Variants in FYB1 observed in about 807,000 individuals in gnomAD.
FYB1 encodes the protein FYN-binding protein 1.
Under a neutral mutation model 94.1 loss-of-function variants are expected in FYB1, and 41 were observed. That is an observed-to-expected ratio of 0.44 (90% CI 0.34 to 0.57). FYB1 has a LOEUF of 0.57. Ranked by LOEUF, FYB1 falls within the 20% of genes least tolerant of loss-of-function variation. The pLI is 0.02. For synonymous variants in FYB1, 367 were observed against 353.2 expected, an observed-to-expected ratio of 1.04 and a Z score of -0.44; for missense variants, 1,050 against 976.8, an observed-to-expected ratio of 1.07 and a Z score of -1.00.
rs779744124 is a variant in FYB1, at chr5:39,108,272, T to TA, written c.2436-11dup. ...ATAGATCTCTCCATCACTGTAAATG[T>TA]AAAAAAAAATTTTTATTTTAAAGAA... On this transcript the variant is annotated splice_polypyrimidine_tract_variant and intron_variant, in intron 17 of 18. Coordinates refer to ENST00000512982, the MANE Select transcript of FYB1 (RefSeq NM_001465.6). 78 of 1,517,782 alleles carry TA rather than the reference T, an allele frequency of 5.1e-5. No homozygotes were observed. The highest frequency in any genetic ancestry group is 4.7e-4 in the Admixed American group (23 of 49,254). The allele number at this position is 1,517,782 out of a possible 1,614,324, so 94.0% of individuals were successfully genotyped here.
intron 3 of FYB1, among the ~76,000 whole-genome samples, chr5:39,149,781 C>T (rs1336393179): frequency 5.9e-5 from 9 of 152,062 alleles, no homozygotes; most frequent in South Asian, 2.1e-4. Flanking sequence ...TCCAAGACCC[C>T]GGCGTTATTG....
chr5:39,178,405 T>C (rs1745923705), intron 2 of FYB1, among the ~76,000 whole-genome samples: 1 of 152,176 alleles, frequency 6.6e-6, no homozygotes, highest in African/African-American at 2.4e-5. Flanking sequence ...AGCACTTTAG[T>C]GGGATGATGC....
intron 1 of FYB1, 69 bp downstream of exon 1, chr5:39,219,374 T>C (rs1244181878): frequency 6.5e-6 from 6 of 924,266 alleles, no homozygotes; most frequent in South Asian, 5.0e-5. Context: ...AATTTGGAAG[T>C]GGTGCTTTTT....
chr5:39,109,787 C>G (rs1738890498), intron 17 of FYB1, among the ~76,000 whole-genome samples: 1 of 152,108 alleles, frequency 6.6e-6, no homozygotes, highest in South Asian at 2.1e-4. Context: ...CACACTAGTA[C>G]CACACTGTGA....
chr5:39,129,014 C>T (rs1411380432), intron 10 of FYB1, among the ~76,000 whole-genome samples: 1 of 151,944 alleles, frequency 6.6e-6, no homozygotes, highest in East Asian at 1.9e-4. Flanking sequence ...GCATTAATAG[C>T]CAAAGCAATC....
At chr5:39,129,727 A>C (rs574897627) in intron 10 of FYB1, among the ~76,000 whole-genome samples, 1 of 152,040 alleles carries the variant, frequency 6.6e-6, no homozygotes, top group Non-Finnish European at 1.5e-5. Flanking sequence ...ATCACTAATC[A>C]TCTTACCCCA....
At chr5:39,173,179 G>C (rs1447999049) in intron 2 of FYB1, among the ~76,000 whole-genome samples, 1 of 152,080 alleles carries the variant, frequency 6.6e-6, no homozygotes, top group Non-Finnish European at 1.5e-5. Flanking sequence ...TTATGGTTTT[G>C]ATTTGCATTT....
intron 1 of FYB1, among the ~76,000 whole-genome samples, chr5:39,253,508 G>A (rs1751813500): frequency 6.6e-6 from 1 of 152,132 alleles, no homozygotes; most frequent in Admixed American, 6.5e-5. Flanking sequence ...TCATATATAG[G>A]ATTGTTACAT....
At chr5:39,175,670 C>T (rs988391106) in intron 2 of FYB1, among the ~76,000 whole-genome samples, 1 of 152,160 alleles carries the variant, frequency 6.6e-6, no homozygotes, top group African/African-American at 2.4e-5. Context: ...ACCCAGTATT[C>T]TTCCTGGCCA....
chr5:39,253,685 A>G (rs1019998011), intron 1 of FYB1, among the ~76,000 whole-genome samples: 1 of 151,516 alleles, frequency 6.6e-6, no homozygotes, highest in Non-Finnish European at 1.5e-5. Flanking sequence ...GTGTGTTGTA[A>G]GGCATAGGAT....
chr5:39,142,728 C>A (rs910944476), intron 3 of FYB1, among the ~76,000 whole-genome samples: 6 of 152,190 alleles, frequency 3.9e-5, no homozygotes, highest in Admixed American at 2.6e-4. Context: ...TCTTCTCTCA[C>A]GCATTTCTTT....
intron 1 of FYB1, among the ~76,000 whole-genome samples, chr5:39,218,149 A>G (rs1021651470): frequency 1.3e-5 from 2 of 152,236 alleles, no homozygotes; most frequent in African/African-American, 4.8e-5. Context: ...AACCTTTACA[A>G]TAATTTCTCA....
chr5:39,183,743 T>A (rs1347420586), intron 2 of FYB1, among the ~76,000 whole-genome samples: 1 of 152,168 alleles, frequency 6.6e-6, no homozygotes, highest in East Asian at 1.9e-4. Context: ...ATGGACTGAT[T>A]TGGGTTAAAA....
intron 2 of FYB1, among the ~76,000 whole-genome samples, chr5:39,192,038 G>A (rs139895409): frequency 2.2e-4 from 33 of 152,276 alleles, no homozygotes; most frequent in South Asian, 1.0e-3. Flanking sequence ...TGGCAAAAGC[G>A]TATTTATCAT....
chr5:39,156,260 G>A (rs1743742611), intron 2 of FYB1, among the ~76,000 whole-genome samples: 1 of 152,096 alleles, frequency 6.6e-6, no homozygotes, highest in Non-Finnish European at 1.5e-5. Context: ...GGCCCTCTGT[G>A]GTTCTGCTTA....
intron 4 of FYB1, among the ~76,000 whole-genome samples, chr5:39,140,612 G>A (rs979657501): frequency 3.9e-5 from 6 of 152,124 alleles, no homozygotes; most frequent in Admixed American, 2.0e-4. Flanking sequence ...TGAGAGGTCC[G>A]CATGGGGATG....
chr5:39,223,890 A>C (rs944925911), upstream of FYB1, among the ~76,000 whole-genome samples: 1 of 152,094 alleles, frequency 6.6e-6, no homozygotes, highest in South Asian at 2.1e-4. Flanking sequence ...ACCCCAGCCC[A>C]AATTTTCTAC....
At chr5:39,160,032 C>A (rs918495840) in intron 2 of FYB1, among the ~76,000 whole-genome samples, 5 of 152,168 alleles carry the variant, frequency 3.3e-5, no homozygotes, top group African/African-American at 1.2e-4. Flanking sequence ...CCTACATTTG[C>A]TACTTCTATA....
chr5:39,139,237 T>C lies in FYB1; in HGVS notation c.1355A>G (p.Asp452Gly). The C allele has an allele frequency of 6.8e-7, 1 of 1,464,572 alleles. No individual in the cohort carries two copies. The highest frequency in any genetic ancestry group is 9.2e-7 in the Non-Finnish European group (1 of 1,083,580). The allele number at this position is 1,464,572 out of a possible 1,614,324, so 90.7% of individuals were successfully genotyped here. Residue 452 changes from aspartate (D) to glycine (G), a missense_variant, in exon 5 of 19, where the codon GAT (aspartate) becomes GGT (glycine). Asp to Gly is a moderately conservative substitution (Grantham distance 94, BLOSUM62 -1). Transcript: ENST00000512982. The stretch of plus-strand genomic sequence containing the variant: ...GAGAAGAGAAAAAAATCTGACCTCA[T>C]CTAGATTTCCAGCACCTAAAAGATT... ...VTHSDGAGNL[D>G]EEQDSEGETY...
Sources: gnomAD v4.1 joint callset for allele counts (sites outside exome capture counted in the v4.1 genomes callset) on GRCh38, gnomAD v4.1.1 for gene constraint, MANE v1.5 for transcripts, NCBI Gene and HGNC (gene_info 2026-07-23, HGNC 2026-07-21) for gene names.